Variants in PTPN11 observed in about 807,000 individuals in gnomAD.
PTPN11 encodes the protein protein tyrosine phosphatase non-receptor type 11.
In PTPN11, 6 loss-of-function variants were observed where a neutral mutation model predicts 78.8. The observed-to-expected ratio is 0.08, with a 90% CI of 0.04 to 0.15. The LOEUF is 0.15. Among genes scored for constraint, PTPN11 ranks in the 10% least tolerant of loss-of-function variants. PTPN11 has a pLI of 1.00. For synonymous variants in PTPN11, 221 were observed against 263.5 expected (o/e 0.84, Z 1.56); for missense variants, 386 against 744.8 (o/e 0.52, Z 5.61).
At chr12:112,438,019 T>A (rs548189434) in intron 1 of PTPN11, among the ~76,000 whole-genome samples, 1 of 152,292 alleles carries the variant, frequency 6.6e-6, no homozygotes, top group African/African-American at 2.4e-5. Context: ...CCTGGAATCA[T>A]GCCCCTTTCC....
intron 2 of PTPN11, among the ~76,000 whole-genome samples, chr12:112,447,144 C>A (rs2038005550): frequency 6.6e-6 from 1 of 152,168 alleles, no homozygotes; most frequent in Admixed American, 6.5e-5. Context: ...GTTGGGATTA[C>A]AGGCATGAGC....
intron 9 of PTPN11, among the ~76,000 whole-genome samples, chr12:112,478,587 A>G (rs2038546894): frequency 6.6e-6 from 1 of 152,138 alleles, no homozygotes; most frequent in Admixed American, 6.5e-5. Flanking sequence ...CTTCTGCAAT[A>G]TGTCATCCGC....
At chr12:112,451,910 CTG>C (rs1395120804) in intron 3 of PTPN11, among the ~76,000 whole-genome samples, 2 of 152,202 alleles carry the variant, frequency 1.3e-5, no homozygotes, top group Non-Finnish European at 2.9e-5. Context: ...GAGTCTCACT[CTG>C]TCACCCAGGC....
chr12:112,450,210 G>A, intron 2 of PTPN11, 108 bp from the exon 3 acceptor site: 1 of 1,027,524 alleles, frequency 9.7e-7, no homozygotes, highest in South Asian at 1.3e-5. Context: ...TCGTTCCTTG[G>A]GTTTCTTTCA....
intron 2 of PTPN11, among the ~76,000 whole-genome samples, chr12:112,447,639 A>G (rs2038014523): frequency 6.6e-6 from 1 of 151,678 alleles, no homozygotes; most frequent in South Asian, 2.1e-4. Context: ...GGCTGGGATT[A>G]CAGGTGCATG....
intron 1 of PTPN11, among the ~76,000 whole-genome samples, chr12:112,436,401 A>AT (rs151156812): frequency 4.7e-4 from 72 of 152,310 alleles, no homozygotes; most frequent in African/African-American, 1.7e-3. Context: ...TATTATCCAC[A>AT]TTTTACAGAT....
chr12:112,495,319 T>A (rs1444761863), intron 13 of PTPN11, among the ~76,000 whole-genome samples: 1 of 152,242 alleles, frequency 6.6e-6, no homozygotes, highest in East Asian at 1.9e-4. Flanking sequence ...TGTAGTCTTC[T>A]CCAATCTGCG....
chr12:112,426,988 T>A (rs544928042), intron 1 of PTPN11, among the ~76,000 whole-genome samples: 1 of 152,166 alleles, frequency 6.6e-6, no homozygotes, highest in South Asian at 2.1e-4. Context: ...CTCACACCTA[T>A]AATACCAGTA....
At chr12:112,474,072 G>A (rs1179290326) in intron 7 of PTPN11, among the ~76,000 whole-genome samples, 1 of 151,948 alleles carries the variant, frequency 6.6e-6, no homozygotes, top group Non-Finnish European at 1.5e-5. Flanking sequence ...TCTGTAGGCC[G>A]GCGCAGTGGC....
chr12:112,501,507 C>A (rs1436687327), intron 13 of PTPN11, among the ~76,000 whole-genome samples: 1 of 152,104 alleles, frequency 6.6e-6, no homozygotes, highest in Non-Finnish European at 1.5e-5. Flanking sequence ...CACCTGTAAT[C>A]CCAGCTACTC....
intron 6 of PTPN11, among the ~76,000 whole-genome samples, chr12:112,470,429 A>C (rs2038397469): frequency 6.6e-6 from 1 of 152,208 alleles, no homozygotes; most frequent in Non-Finnish European, 1.5e-5. Flanking sequence ...TTCACACTCA[A>C]GGAAACTGAG....
chr12:112,448,725 G>T (rs1318599373), intron 2 of PTPN11, among the ~76,000 whole-genome samples: 1 of 151,950 alleles, frequency 6.6e-6, no homozygotes, highest in Non-Finnish European at 1.5e-5. Flanking sequence ...GTCACCAGCA[G>T]GTAGCGATTT....
chr12:112,463,560 A>G (rs2038281395), intron 6 of PTPN11, among the ~76,000 whole-genome samples: 1 of 152,056 alleles, frequency 6.6e-6, no homozygotes, highest in African/African-American at 2.4e-5. Flanking sequence ...TCTTAGCCTG[A>G]CTCTTCTGGC....
intron 9 of PTPN11, 140 bp downstream of exon 9, chr12:112,478,155 A>AT: frequency 1.0e-6 from 1 of 978,414 alleles, no homozygotes; most frequent in Non-Finnish European, 1.5e-6. Flanking sequence ...GAGAAATTTG[A>AT]TTATGTTATT....
At chr12:112,456,198 C>A in intron 6 of PTPN11, 135 bp downstream of exon 6, 1 of 708,002 alleles carries the variant, frequency 1.4e-6, no homozygotes, top group Non-Finnish European at 2.6e-6. Context: ...CATTGATTGA[C>A]ACGGAGCAAG....
chr12:112,435,674 A>G (rs1186516188), intron 1 of PTPN11, among the ~76,000 whole-genome samples: 3 of 146,242 alleles, frequency 2.1e-5, no homozygotes, highest in African/African-American at 7.7e-5. Flanking sequence ...TTTAAATACT[A>G]CAATATGACT....
chr12:112,470,290 A>G (rs2038394767), intron 6 of PTPN11, among the ~76,000 whole-genome samples: 1 of 152,154 alleles, frequency 6.6e-6, no homozygotes, highest in Non-Finnish European at 1.5e-5. Flanking sequence ...ATGTAGCAAT[A>G]GTGATGTCAT....
chr12:112,449,241 G>A (rs1288294765), intron 2 of PTPN11, among the ~76,000 whole-genome samples: 1 of 147,606 alleles, frequency 6.8e-6, no homozygotes, highest in Admixed American at 6.8e-5. Flanking sequence ...AGTGGCTCAC[G>A]CCTGTAATCC....
rs141510571 is a variant in PTPN11, at chr12:112,466,068, A to G, written c.757-6876A>G. Among the ~76,000 whole-genome samples the G allele has an allele frequency of 6.8e-4, 103 of 152,332 alleles. No individual in the cohort carries two copies. The East Asian group carries it at 7.9e-3, about 12-fold the overall frequency. On this transcript the variant is annotated intron_variant, in intron 6 of 15. Transcript: ENST00000351677. ...TGAACAAATCAGTCTTTATCTTTATAGAGTGTACAGTCAAGTGGGAGAGAC... is the reference window on the plus strand; with the variant it reads ...TGAACAAATCAGTCTTTATCTTTATGGAGTGTACAGTCAAGTGGGAGAGAC...
Sources: gnomAD v4.1 joint callset for allele counts (sites outside exome capture counted in the v4.1 genomes callset) on GRCh38, gnomAD v4.1.1 for gene constraint, MANE v1.5 for transcripts, NCBI Gene and HGNC (gene_info 2026-07-23, HGNC 2026-07-21) for gene names.